Variants in KCNQ5 observed in about 807,000 individuals in gnomAD.
KCNQ5 encodes potassium voltage-gated channel subfamily KQT member 5.
In KCNQ5, 30 loss-of-function variants were observed where a neutral mutation model predicts 98.2. The observed-to-expected ratio is 0.31, with a 90% CI of 0.23 to 0.41. The LOEUF (loss-of-function observed/expected upper bound fraction) is 0.41. KCNQ5 is among the 10% of genes least tolerant of loss of function. The pLI, the probability that KCNQ5 is intolerant of heterozygous loss-of-function variation, is 1.00. For missense variants in KCNQ5, 835 were observed against 1,182.5 expected, an observed-to-expected ratio of 0.71 and a Z score of 4.31; for synonymous variants, 458 against 449.4, an observed-to-expected ratio of 1.02 and a Z score of -0.24.
chr6:72,862,468 T>A (rs1275978447), intron 1 of KCNQ5, among the ~76,000 whole-genome samples: 1 of 152,192 alleles, frequency 6.6e-6, no homozygotes, highest in Non-Finnish European at 1.5e-5. Context: ...TTTTTAGTAC[T>A]TTTTAAATCC....
intron 1 of KCNQ5, among the ~76,000 whole-genome samples, chr6:72,935,927 CT>C (rs1325235332): frequency 6.6e-6 from 1 of 152,212 alleles, no homozygotes; most frequent in African/African-American, 2.4e-5. Flanking sequence ...TTCTTGCATT[CT>C]AAGACTCAAC....
chr6:73,001,136 A>G (rs1211607137), intron 1 of KCNQ5, among the ~76,000 whole-genome samples: 2 of 152,140 alleles, frequency 1.3e-5, no homozygotes, highest in East Asian at 1.9e-4. Flanking sequence ...CTCAAACACC[A>G]TCTTTTTTTT....
chr6:72,633,867 C>A (rs1027083048), intron 1 of KCNQ5, among the ~76,000 whole-genome samples: 5 of 152,158 alleles, frequency 3.3e-5, no homozygotes, highest in Non-Finnish European at 7.4e-5. Flanking sequence ...TACCTTTCAC[C>A]ATATACAAAA....
intron 10 of KCNQ5, among the ~76,000 whole-genome samples, chr6:73,168,067 G>T (rs1777869543): frequency 6.6e-6 from 1 of 152,092 alleles, no homozygotes; most frequent in Non-Finnish European, 1.5e-5. Context: ...AAAGCCAAAG[G>T]GACCTCGAAG....
At chr6:73,025,239 T>A (rs1374711509) in intron 2 of KCNQ5, among the ~76,000 whole-genome samples, 1 of 152,210 alleles carries the variant, frequency 6.6e-6, no homozygotes, top group Non-Finnish European at 1.5e-5. Context: ...TTACCAAAAC[T>A]GTTGCAACAT....
chr6:72,955,475 A>G (rs1361848823), intron 1 of KCNQ5, among the ~76,000 whole-genome samples: 1 of 152,160 alleles, frequency 6.6e-6, no homozygotes, highest in Non-Finnish European at 1.5e-5. Flanking sequence ...AATTGCTTTG[A>G]GTGTTGCCAA....
intron 11 of KCNQ5, among the ~76,000 whole-genome samples, chr6:73,185,341 A>G (rs754847575): frequency 6.6e-6 from 1 of 151,960 alleles, no homozygotes; most frequent in Non-Finnish European, 1.5e-5. Flanking sequence ...GCCATCATGC[A>G]TGGTTAATTT....
At chr6:73,115,802 C>G (rs1292267116) in intron 7 of KCNQ5, among the ~76,000 whole-genome samples, 1 of 152,008 alleles carries the variant, frequency 6.6e-6, no homozygotes, top group Non-Finnish European at 1.5e-5. Context: ...AGGGGATAAG[C>G]CAAGAGAGAA....
chr6:73,077,626 T>C (rs1435076741), intron 4 of KCNQ5, 129 bp downstream of exon 4: 1 of 1,253,970 alleles, frequency 8.0e-7, no homozygotes, highest in African/African-American at 1.5e-5. Context: ...TTTTGGGACA[T>C]GATGTACAAT....
At chr6:72,825,977 G>A (rs769799251) in intron 1 of KCNQ5, among the ~76,000 whole-genome samples, 7 of 152,026 alleles carry the variant, frequency 4.6e-5, no homozygotes, top group Non-Finnish European at 1.0e-4. Context: ...CCTCCATGGG[G>A]GTCAACCTTA....
chr6:72,982,881 C>T (rs1161486921), intron 1 of KCNQ5, among the ~76,000 whole-genome samples: 2 of 152,176 alleles, frequency 1.3e-5, no homozygotes, highest in Non-Finnish European at 2.9e-5. Flanking sequence ...AACAAAATCT[C>T]TCAGCATTTG....
At chr6:73,046,967 G>A (rs1012071836) in intron 3 of KCNQ5, among the ~76,000 whole-genome samples, 1 of 152,106 alleles carries the variant, frequency 6.6e-6, no homozygotes, top group Non-Finnish European at 1.5e-5. Flanking sequence ...TTTTATAGAT[G>A]AGGAAGTAAG....
rs1765830312 is a variant in KCNQ5 at position 73,197,557 on chromosome 6, T to C, written c.*2143T>C. On this transcript the variant is annotated 3_prime_UTR_variant, in exon 14 of 14. Transcript: ENST00000370398. ...ATCTTCATTCAACCTGAAGTTGTGA[T>C]TCCCCCTTGCAAGAATGTTGCATAC... 1 of 147,870 alleles carries C rather than the reference T, an allele frequency of 6.8e-6. No homozygotes were observed. The highest frequency in any genetic ancestry group is 6.9e-5 in the Admixed American group (1 of 14,572). The allele number at this position is 147,870 out of a possible 1,614,324, so 9.2% of individuals were successfully genotyped here.
intron 1 of KCNQ5, among the ~76,000 whole-genome samples, chr6:72,932,337 C>T (rs1228457208): frequency 2.0e-5 from 3 of 151,970 alleles, no homozygotes; most frequent in Non-Finnish European, 4.4e-5. Flanking sequence ...GCTACATCCT[C>T]ATCTTCCTAA....
chr6:72,629,893 T>C (rs2098919880), intron 1 of KCNQ5, among the ~76,000 whole-genome samples: 2 of 152,228 alleles, frequency 1.3e-5, no homozygotes, highest in Non-Finnish European at 2.9e-5. Flanking sequence ...AAGAAATTCT[T>C]TGATGGTCTC....
intron 1 of KCNQ5, among the ~76,000 whole-genome samples, chr6:72,658,790 GGCTGATCT>G (rs892231293): frequency 7.3e-5 from 11 of 151,620 alleles, no homozygotes; most frequent in African/African-American, 2.7e-4. Flanking sequence ...ATGTTAACCA[GGCTGATCT>G]CGAACTCCTG....
intron 1 of KCNQ5, among the ~76,000 whole-genome samples, chr6:72,844,334 T>C (rs973208474): frequency 6.6e-6 from 1 of 152,170 alleles, no homozygotes; most frequent in Non-Finnish European, 1.5e-5. Flanking sequence ...ATTGTTCCTG[T>C]TTATTTACTT....
chr6:72,943,384 G>T (rs1410337841), intron 1 of KCNQ5, among the ~76,000 whole-genome samples: 1 of 152,126 alleles, frequency 6.6e-6, no homozygotes, highest in South Asian at 2.1e-4. Context: ...AACAATTTTT[G>T]AAGCCTAAAT....
chr6:72,968,188 A>T (rs1461197312), intron 1 of KCNQ5, among the ~76,000 whole-genome samples: 1 of 152,214 alleles, frequency 6.6e-6, no homozygotes, highest in Non-Finnish European at 1.5e-5. Context: ...AAAGAAATAC[A>T]GTTATTGTCA....
Sources: allele counts gnomAD v4.1 joint callset (sites outside exome capture counted in the v4.1 genomes callset), GRCh38; gene constraint gnomAD v4.1.1; transcripts MANE v1.5; gene names NCBI Gene and HGNC (gene_info 2026-07-23, HGNC 2026-07-21).